The following PHF24 variants were observed in gnomAD, a reference collection of about 807,000 sequenced individuals.
PHF24 encodes the protein Galpha inhibitory interacting protein.
PHF24 carries 25 observed loss-of-function variants against 42.6 expected under a neutral mutation model. The observed-to-expected ratio is 0.59, with a 90% confidence interval of 0.43 to 0.82. PHF24 has a LOEUF of 0.82. Among genes scored for constraint, PHF24 ranks in the 40% least tolerant of loss-of-function variants. PHF24 has a pLI of 0.00. For missense variants in PHF24, 470 were observed against 538.1 expected (o/e 0.87, Z 1.25); for synonymous variants, 185 against 204.8 (o/e 0.90, Z 0.83).
chr9:34,749,923 A>C, the PHF24 span, among the ~76,000 whole-genome samples: 97 of 152,272 alleles, frequency 6.4e-4, no homozygotes, highest in African/African-American at 2.3e-3. Flanking sequence ...AGGAGAGAAT[A>C]ATATGACATA....
chr9:34,907,208 G>A, the PHF24 span, among the ~76,000 whole-genome samples: 6 of 152,104 alleles, frequency 3.9e-5, no homozygotes, highest in South Asian at 2.1e-4. Context: ...CTTTGTTCCC[G>A]TGTAGCTCTA....
the PHF24 span, among the ~76,000 whole-genome samples, chr9:34,792,612 G>T: frequency 6.6e-6 from 1 of 151,938 alleles, no homozygotes; most frequent in Admixed American, 6.6e-5. Context: ...CGAAGGTTGT[G>T]GTGAGCCAAG....
the PHF24 span, chr9:34,838,461 A>C: frequency 7.6e-7 from 1 of 1,317,136 alleles, no homozygotes; most frequent in African/African-American, 1.5e-5. Flanking sequence ...AGGGATATCC[A>C]ACATCCCACA....
the PHF24 span, among the ~76,000 whole-genome samples, chr9:34,941,255 G>C: frequency 6.6e-6 from 1 of 152,148 alleles, no homozygotes; most frequent in South Asian, 2.1e-4. Flanking sequence ...CACTTTAGCT[G>C]TGCCTTTAAA....
chr9:34,937,063 G>A, the PHF24 span, among the ~76,000 whole-genome samples: 7 of 147,916 alleles, frequency 4.7e-5, 1 homozygote, highest in African/African-American at 1.7e-4. Flanking sequence ...CGCCCCGTCC[G>A]GGAGGTGAGG....
the PHF24 span, among the ~76,000 whole-genome samples, chr9:34,807,707 A>T: frequency 1.7e-4 from 26 of 152,206 alleles, no homozygotes; most frequent in Non-Finnish European, 3.1e-4. Flanking sequence ...TAAAGGCAGA[A>T]GATCTATATT....
the PHF24 span, among the ~76,000 whole-genome samples, chr9:34,789,467 A>G: frequency 3.1e-3 from 471 of 152,336 alleles, no homozygotes; most frequent in Non-Finnish European, 5.3e-3. Context: ...CTTTAACATA[A>G]GCAATAGAGG....
chr9:34,726,267 G>T, the PHF24 span: 7 of 1,529,560 alleles, frequency 4.6e-6, no homozygotes, highest in Non-Finnish European at 6.2e-6. Flanking sequence ...TACAATGGTG[G>T]GTTTGGCATA....
At chr9:34,789,499 T>C in the PHF24 span, among the ~76,000 whole-genome samples, 1 of 152,216 alleles carries the variant, frequency 6.6e-6, no homozygotes, top group East Asian at 1.9e-4. Context: ...GAAGCCCATC[T>C]TGGCTGGGCT....
chr9:34,903,607 A>G, the PHF24 span, among the ~76,000 whole-genome samples: 1 of 152,242 alleles, frequency 6.6e-6, no homozygotes, highest in African/African-American at 2.4e-5. Flanking sequence ...TTTTAAAAAC[A>G]GGAACCAAAG....
At chr9:34,895,181 G>A in the PHF24 span, 2 of 397,874 alleles carry the variant, frequency 5.0e-6, no homozygotes, top group Non-Finnish European at 8.9e-6. Flanking sequence ...GTCTTTTTCT[G>A]TGTTCCAATT....
chr9:34,884,478 G>C, the PHF24 span, among the ~76,000 whole-genome samples: 1 of 152,160 alleles, frequency 6.6e-6, no homozygotes, highest in Non-Finnish European at 1.5e-5. Context: ...CAGGGATTCA[G>C]CCTGGACAGG....
the PHF24 span, among the ~76,000 whole-genome samples, chr9:34,896,082 A>G: frequency 6.6e-6 from 1 of 152,140 alleles, no homozygotes; most frequent in Non-Finnish European, 1.5e-5. Flanking sequence ...CCTGACACCT[A>G]TTCCTGACAC....
At chr9:34,850,735 TA>T in the PHF24 span, among the ~76,000 whole-genome samples, 6 of 152,214 alleles carry the variant, frequency 3.9e-5, no homozygotes, top group Non-Finnish European at 8.8e-5. Context: ...TGGTTTTATC[TA>T]CTTTTGGTCT....
At chr9:34,665,983 G>T in the PHF24 span, 2 of 438,424 alleles carry the variant, frequency 4.6e-6, no homozygotes, top group Non-Finnish European at 4.1e-6. Flanking sequence ...GTCACCTGGA[G>T]GGGGGGCTGA....
At chr9:34,800,623 A>C in the PHF24 span, among the ~76,000 whole-genome samples, 1 of 152,170 alleles carries the variant, frequency 6.6e-6, no homozygotes, top group Non-Finnish European at 1.5e-5. Context: ...ATATGCAGAA[A>C]ACCGAAACTG....
At chr9:34,874,681 A>G in the PHF24 span, among the ~76,000 whole-genome samples, 3 of 152,184 alleles carry the variant, frequency 2.0e-5, no homozygotes, top group African/African-American at 7.2e-5. Context: ...TCATTTAGAT[A>G]TGCCTGCAGG....
the PHF24 span, chr9:34,836,135 C>T: frequency 4.5e-6 from 2 of 445,240 alleles, no homozygotes; most frequent in Non-Finnish European, 9.2e-6. Flanking sequence ...TGGCATTGCC[C>T]TTCCCTAGTC....
At chr9:34,967,831 A>G (rs985913214) in intron 1 of PHF24, among the ~76,000 whole-genome samples, 1 of 152,216 alleles carries the variant, frequency 6.6e-6, no homozygotes, top group Non-Finnish European at 1.5e-5. Context: ...AGATCATATG[A>G]ACTTTTAAAA....
Sources: allele counts gnomAD v4.1 joint callset (sites outside exome capture counted in the v4.1 genomes callset), GRCh38; gene constraint gnomAD v4.1.1; transcripts MANE v1.5; gene names NCBI Gene and HGNC (gene_info 2026-07-23, HGNC 2026-07-21).